ADGRG2: variants seen among roughly 807,000 people sequenced by gnomAD.
ADGRG2 encodes G protein-coupled receptor 64.
In ADGRG2, 26 loss-of-function variants were observed where a neutral mutation model predicts 74.1. The ratio of observed to expected loss-of-function variants is 0.35; its 90% CI spans 0.26 to 0.49. The LOEUF is 0.49. Among genes scored for constraint, ADGRG2 ranks in the 20% least tolerant of loss-of-function variants. ADGRG2 has a pLI of 0.99. For synonymous variants in ADGRG2, 296 were observed against 295.2 expected (o/e 1.00, Z -0.03); for missense variants, 619 against 763.1 (o/e 0.81, Z 2.22).
At chrX:19,007,887 C>T (rs935623248) in intron 19 of ADGRG2, 93 bp downstream of exon 19, 7 of 750,281 alleles carry the variant, frequency 9.3e-6, no homozygotes, top group East Asian at 6.6e-5. Flanking sequence ...ATTTGACTTA[C>T]GGCAGCCTTA....
At chrX:19,120,473 T>C (rs1468823426) in intron 1 of ADGRG2, among the ~76,000 whole-genome samples, 1 of 112,221 alleles carries the variant, frequency 8.9e-6, no homozygotes, top group Admixed American at 9.5e-5. Context: ...TGTCACACCA[T>C]GCATGCCTGG....
chrX:19,122,129 A>C (rs1306119627), intron 1 of ADGRG2, among the ~76,000 whole-genome samples: 1 of 112,397 alleles, frequency 8.9e-6, no homozygotes, highest in Non-Finnish European at 1.9e-5. Context: ...CGGGTTGGGG[A>C]AAGTACGGCT....
At chrX:19,057,365 C>T (rs1223138452) in intron 3 of ADGRG2, among the ~76,000 whole-genome samples, 2 of 111,944 alleles carry the variant, frequency 1.8e-5, no homozygotes, top group East Asian at 5.6e-4. Context: ...GGTTCCATCC[C>T]TTCGTATTAC....
At chrX:19,033,805 A>G in intron 7 of ADGRG2, 151 bp from the exon 8 acceptor site, 1 of 368,135 alleles carries the variant, frequency 2.7e-6, no homozygotes, top group Non-Finnish European at 4.9e-6. Flanking sequence ...AGCAGAATGA[A>G]TAGGAACCGC....
Position 19,040,239 on chromosome X carries a change from A to G in ADGRG2, c.119-15T>C, listed in dbSNP as rs113029871. On this transcript the variant is annotated splice_polypyrimidine_tract_variant and intron_variant, in intron 3 of 28. Coordinates refer to ENST00000379869, the MANE Select transcript of ADGRG2 (RefSeq NM_001079858.3). ...ATCAGTATCTTCTGTTGAGGAAAAG[A>G]GGTGATTCAGAATTAGTTTCATGAG... The G allele has an allele frequency of 2.8e-6, 3 of 1,088,541 alleles. No individual in the cohort carries two copies. Among genetic ancestry groups the G allele is most frequent in the Non-Finnish European group, 3.8e-6 (3 of 788,635 alleles). 89.7% of individuals were successfully genotyped at this position (1,088,541 alleles called of 1,213,427 possible).
chrX:19,024,052 C>T (rs2060649132), intron 11 of ADGRG2, 104 bp from the exon 12 acceptor site: 1 of 545,790 alleles, frequency 1.8e-6, no homozygotes, highest in African/African-American at 2.3e-5. Context: ...GTATACATTG[C>T]TTATGGTGTT....
At chrX:19,043,104 A>T (rs1313643879) in intron 3 of ADGRG2, among the ~76,000 whole-genome samples, 2 of 111,699 alleles carry the variant, frequency 1.8e-5, no homozygotes, top group African/African-American at 6.5e-5. Context: ...TACTTTGATG[A>T]AGGGAGGGAA....
chrX:19,103,734 CCAAA>C lies in ADGRG2; in HGVS notation c.-47+18704_-47+18707del, dbSNP rs1569147466. ...TGTCTAATTAGGACCCCCAAGATGC[CCAAA>C]CAGAGAAACAGGAGTCTGGCCTGGG... On this transcript the variant is annotated intron_variant, in intron 1 of 28. Coordinates refer to ENST00000379869, the MANE Select transcript of ADGRG2 (RefSeq NM_001079858.3). Among the ~76,000 whole-genome samples the C allele has an allele frequency of 2.7e-5, 3 of 111,479 alleles. No individual in the cohort carries two copies. In the East Asian group the frequency reaches 8.5e-4, roughly 32 times the overall value.
chrX:19,004,263 T>C (rs1444749274), intron 23 of ADGRG2, among the ~76,000 whole-genome samples: 1 of 112,542 alleles, frequency 8.9e-6, no homozygotes, highest in East Asian at 2.8e-4. Context: ...TTTTTTAGAA[T>C]GGCATTCTTG....
At chrX:19,025,363 T>G (rs1261851452) in intron 11 of ADGRG2, among the ~76,000 whole-genome samples, 1 of 110,943 alleles carries the variant, frequency 9.0e-6, no homozygotes, top group Non-Finnish European at 1.9e-5. Flanking sequence ...GCACTGGGAT[T>G]TTTGAAAGCT....
At chrX:19,113,928 C>G (rs965317183) in intron 1 of ADGRG2, among the ~76,000 whole-genome samples, 3 of 109,041 alleles carry the variant, frequency 2.8e-5, no homozygotes, top group Non-Finnish European at 3.8e-5. Flanking sequence ...GAAAAATAGC[C>G]AGGCGTGGTG....
intron 1 of ADGRG2, among the ~76,000 whole-genome samples, chrX:19,100,835 A>G (rs1287464844): frequency 1.8e-5 from 2 of 113,378 alleles, no homozygotes; most frequent in African/African-American, 6.4e-5. Context: ...CAAGTAAAAA[A>G]GGAAACAGAA....
In ADGRG2 at chrX:19,077,672, G is replaced by A. The variant is rs35892966; in HGVS notation, c.-2+5030C>T. Among the ~76,000 whole-genome samples, 286 of 111,676 alleles carry A rather than the reference G, an allele frequency of 2.6e-3. 2 individuals are homozygous for A. The highest frequency in any genetic ancestry group is 4.4e-3 in the Non-Finnish European group (233 of 53,186). On this transcript the variant is annotated intron_variant, in intron 2 of 28. Coordinates refer to ENST00000379869, the MANE Select transcript of ADGRG2 (RefSeq NM_001079858.3). Reference sequence around the variant, plus strand: ...TAGAACCTAATGATTCAGAAAGTTTGAAAGTAAAGAGATGGAAAAGATATG... The same window carrying A: ...TAGAACCTAATGATTCAGAAAGTTTAAAAGTAAAGAGATGGAAAAGATATG...
chrX:19,094,693 C>T (rs1164645537), intron 1 of ADGRG2, among the ~76,000 whole-genome samples: 1 of 112,611 alleles, frequency 8.9e-6, no homozygotes, highest in African/African-American at 3.2e-5. Context: ...ACTTTCTCTC[C>T]CAGCATCAAC....
Position 19,031,135 on chromosome X carries a change from G to T in ADGRG2, c.305-98C>A. On this transcript the variant is annotated intron_variant, in intron 8 of 28. Transcript: ENST00000379869. ...TTCATAAACGTAGGCATCAAATGTG[G>T]ACCAGAAATATTATAAGCTGGAATT... The T allele has an allele frequency of 5.1e-6, 3 of 582,561 alleles. No individual in the cohort carries two copies. The South Asian group carries it at 7.7e-5, about 15-fold the overall frequency. The allele number at this position is 582,561 out of a possible 1,213,427, so 48.0% of individuals were successfully genotyped here. A position where few individuals can be genotyped will look rare whatever the true frequency, so the allele number is the denominator to read the frequency against.
At chrX:19,068,122 A>C (rs185908571) in intron 3 of ADGRG2, among the ~76,000 whole-genome samples, 76 of 112,197 alleles carry the variant, frequency 6.8e-4, no homozygotes, top group African/African-American at 2.3e-3. Context: ...TCCTAGGTAT[A>C]TACCCCAAAG....
At chrX:19,037,242 A>G (rs956835061) in intron 6 of ADGRG2, among the ~76,000 whole-genome samples, 1 of 112,078 alleles carries the variant, frequency 8.9e-6, no homozygotes, top group African/African-American at 3.2e-5. Context: ...TTAGCTAACA[A>G]TTAGAGTGGT....
intron 1 of ADGRG2, among the ~76,000 whole-genome samples, chrX:19,088,877 C>T (rs2061972779): frequency 8.9e-6 from 1 of 112,152 alleles, no homozygotes; most frequent in South Asian, 3.7e-4. Context: ...AAGAAAACCA[C>T]ACACATAAAT....
At chrX:19,011,327 CTG>C (rs1180407212) in intron 16 of ADGRG2, among the ~76,000 whole-genome samples, 1 of 111,709 alleles carries the variant, frequency 9.0e-6, no homozygotes, top group Non-Finnish European at 1.9e-5. Flanking sequence ...GGTTACGTGA[CTG>C]TGGGTGTTTC....
Sources: gnomAD v4.1 joint callset for allele counts (sites outside exome capture counted in the v4.1 genomes callset) on GRCh38, gnomAD v4.1.1 for gene constraint, MANE v1.5 for transcripts, NCBI Gene and HGNC (gene_info 2026-07-23, HGNC 2026-07-21) for gene names.